The following DTNB variants were observed in gnomAD, a reference collection of about 807,000 sequenced individuals.
DTNB encodes the protein DTN-B.
In DTNB, 63 loss-of-function variants were observed where a neutral mutation model predicts 90.7. The observed-to-expected ratio is 0.69, with a 90% confidence interval of 0.57 to 0.86. The LOEUF is 0.86. Among genes scored for constraint, DTNB ranks in the 40% least tolerant of loss-of-function variants. The pLI, the probability that DTNB is intolerant of heterozygous loss-of-function variation, is 0.00. For missense variants in DTNB, 744 were observed against 807.1 expected, an observed-to-expected ratio of 0.92 and a Z score of 0.95; for synonymous variants, 277 against 286.7, an observed-to-expected ratio of 0.97 and a Z score of 0.34.
At chr2:25,587,369 C>T (rs77019425) in intron 6 of DTNB, among the ~76,000 whole-genome samples, 111 of 152,304 alleles carry the variant, frequency 7.3e-4, no homozygotes, top group Non-Finnish European at 1.4e-3. Context: ...GACGAGAAGA[C>T]CAGGGTCCTT....
chr2:25,633,227 T>G (rs1258477053), intron 3 of DTNB, among the ~76,000 whole-genome samples: 3 of 152,104 alleles, frequency 2.0e-5, no homozygotes, highest in East Asian at 1.9e-4. Flanking sequence ...GAAGCTGGAC[T>G]GTACTGCTGC....
intron 6 of DTNB, among the ~76,000 whole-genome samples, chr2:25,581,258 T>C (rs931772005): frequency 6.6e-6 from 1 of 152,144 alleles, no homozygotes; most frequent in African/African-American, 2.4e-5. Context: ...TTGTCTACCA[T>C]ATTTCCAGCT....
At chr2:25,570,972 TA>T (rs1467076034) in intron 8 of DTNB, among the ~76,000 whole-genome samples, 1 of 152,192 alleles carries the variant, frequency 6.6e-6, no homozygotes. Flanking sequence ...GGATATCTAA[TA>T]AGCAACTTAA....
intron 3 of DTNB, among the ~76,000 whole-genome samples, chr2:25,631,494 G>T (rs1405758594): frequency 6.6e-6 from 1 of 151,532 alleles, no homozygotes; most frequent in African/African-American, 2.4e-5. Context: ...GATTGCCTAA[G>T]CCCAGGAGTT....
rs533163803 is a variant in DTNB at position 25,652,235 on chromosome 2, T to C, written c.67+359A>G. Among the ~76,000 whole-genome samples the C allele has an allele frequency of 2.0e-5, 3 of 152,310 alleles. No homozygotes were observed. In the East Asian group the frequency reaches 5.8e-4, roughly 29 times the overall value. ...AGTCCTCTCTGTCTCAGAACTGTCA[T>C]CTAGTGGAAGGTAATTTATATAATG... On this transcript the variant is annotated intron_variant, in intron 2 of 20. Transcript: ENST00000406818.
chr2:25,506,591 G>C (rs2072495416), intron 9 of DTNB, among the ~76,000 whole-genome samples: 1 of 152,014 alleles, frequency 6.6e-6, no homozygotes, highest in Non-Finnish European at 1.5e-5. Flanking sequence ...TCAGCATTCA[G>C]CTCCCAGTTA....
chr2:25,449,763 TTTTTC>T (rs1382921226), intron 12 of DTNB, among the ~76,000 whole-genome samples: 6 of 123,262 alleles, frequency 4.9e-5, no homozygotes, highest in Non-Finnish European at 9.5e-5. Context: ...TCTGTTTTTC[TTTTTC>T]TTTTTTTTTT....
At chr2:25,670,366 T>G (rs945806182) in intron 1 of DTNB, among the ~76,000 whole-genome samples, 1 of 152,178 alleles carries the variant, frequency 6.6e-6, no homozygotes, top group Non-Finnish European at 1.5e-5. Flanking sequence ...CTTTATTCTG[T>G]CTATACTGTT....
chr2:25,452,792 A>G (rs1007825401), intron 11 of DTNB, among the ~76,000 whole-genome samples: 2 of 150,288 alleles, frequency 1.3e-5, no homozygotes, highest in African/African-American at 4.9e-5. Context: ...AGCTTAACTT[A>G]GTCTTTCTTC....
At chr2:25,400,510 C>T (rs1429368048) in intron 16 of DTNB, among the ~76,000 whole-genome samples, 1 of 152,184 alleles carries the variant, frequency 6.6e-6, no homozygotes, top group Non-Finnish European at 1.5e-5. Flanking sequence ...TACAGGAAAC[C>T]TGAGAAACAC....
At chr2:25,511,835 G>C (rs1558825150) in intron 9 of DTNB, among the ~76,000 whole-genome samples, 1 of 152,066 alleles carries the variant, frequency 6.6e-6, no homozygotes, top group Non-Finnish European at 1.5e-5. Flanking sequence ...TGATAAACTG[G>C]ACACAGGAAA....
intron 16 of DTNB, chr2:25,399,364 T>TTTTTTTTTTTTTTTTTG (rs70947887): frequency 1.3e-5 from 2 of 149,630 alleles, no homozygotes; most frequent in African/African-American, 2.5e-5. Context: ...TTTTTTTTTT[T>TTTTTTTTTTTTTTTTTG]AGACAGGATC....
At chr2:25,640,159 G>A (rs2077946385) in intron 2 of DTNB, among the ~76,000 whole-genome samples, 1 of 152,188 alleles carries the variant, frequency 6.6e-6, no homozygotes, top group African/African-American at 2.4e-5. Context: ...TTATACATGA[G>A]TCTATAAATC....
At chr2:25,645,379 AAG>A (rs2079208522) in intron 2 of DTNB, among the ~76,000 whole-genome samples, 1 of 152,092 alleles carries the variant, frequency 6.6e-6, no homozygotes, top group Non-Finnish European at 1.5e-5. Context: ...AAGAAAAAAA[AAG>A]AAAGTAATAA....
chr2:25,619,764 G>A (rs191981604), intron 4 of DTNB, among the ~76,000 whole-genome samples: 55 of 152,262 alleles, frequency 3.6e-4, no homozygotes, highest in African/African-American at 1.2e-3. Flanking sequence ...GGTTGAGGCC[G>A]GGTGCAGTGG....
chr2:25,637,570 A>G (rs966572420), intron 3 of DTNB, among the ~76,000 whole-genome samples: 6 of 152,374 alleles, frequency 3.9e-5, no homozygotes, highest in African/African-American at 1.4e-4. Context: ...ACACTTCTCA[A>G]AAGAAAACAT....
intron 6 of DTNB, among the ~76,000 whole-genome samples, chr2:25,593,053 C>A (rs2063854864): frequency 6.6e-6 from 1 of 151,874 alleles, no homozygotes; most frequent in Non-Finnish European, 1.5e-5. Flanking sequence ...GGCAAAACGT[C>A]TTCACAGCCT....
chr2:25,450,484 G>C (rs2059116453), intron 12 of DTNB, among the ~76,000 whole-genome samples: 1 of 152,100 alleles, frequency 6.6e-6, no homozygotes, highest in East Asian at 1.9e-4. Flanking sequence ...GTAGGATTAA[G>C]TCTGCCAACT....
intron 12 of DTNB, among the ~76,000 whole-genome samples, chr2:25,448,590 C>T (rs1369387932): frequency 6.6e-6 from 1 of 152,064 alleles, no homozygotes. Flanking sequence ...CGCGGTGGCT[C>T]ACGCCTGTAA....
Sources: gnomAD v4.1 joint callset for allele counts (sites outside exome capture counted in the v4.1 genomes callset) on GRCh38, gnomAD v4.1.1 for gene constraint, MANE v1.5 for transcripts, NCBI Gene and HGNC (gene_info 2026-07-23, HGNC 2026-07-21) for gene names.